Variants in KIAA1549L observed in about 807,000 individuals in gnomAD.
The protein encoded by KIAA1549L is KIAA1549 like, also known as UPF0606 protein KIAA1549L.
KIAA1549L carries 88 observed loss-of-function variants against 160.7 expected under a neutral mutation model. The ratio of observed to expected loss-of-function variants is 0.55; its 90% CI spans 0.46 to 0.65. KIAA1549L has a LOEUF of 0.65. KIAA1549L is among the 30% of genes least tolerant of loss of function. The pLI is 0.00. For missense variants in KIAA1549L, 2,258 were observed against 2,437.5 expected, an observed-to-expected ratio of 0.93 and a Z score of 1.55; for synonymous variants, 950 against 976.7, an observed-to-expected ratio of 0.97 and a Z score of 0.51.
chr11:33,561,609 CTAAA>C, intron 7 of KIAA1549L, 63 bp from the exon 8 acceptor site: 1 of 1,259,236 alleles, frequency 7.9e-7, no homozygotes, highest in Non-Finnish European at 1.2e-6. Context: ...TCAAATATAA[CTAAA>C]TAAATGAAAC....
intron 17 of KIAA1549L, among the ~76,000 whole-genome samples, chr11:33,649,358 A>G (rs1460644226): frequency 6.6e-6 from 1 of 151,208 alleles, no homozygotes; most frequent in East Asian, 1.9e-4. Context: ...AAAAAAAAAA[A>G]AAAAAAATTG....
At chr11:33,399,968 G>A (rs997299600) in intron 1 of KIAA1549L, among the ~76,000 whole-genome samples, 7 of 152,278 alleles carry the variant, frequency 4.6e-5, no homozygotes, top group Non-Finnish European at 8.8e-5. Flanking sequence ...AGCTGACTCC[G>A]CTCATACTGC....
rs1351712570 is a variant in KIAA1549L, at chr11:33,441,594, T to A, written c.238+64705T>A. 2.6e-5 allele frequency among the ~76,000 whole-genome samples: 4 copies of A among 152,162 alleles called. No individual in the cohort carries two copies. The East Asian group carries it at 7.7e-4, about 29-fold the overall frequency. On this transcript the variant is annotated intron_variant, in intron 1 of 20. Coordinates refer to ENST00000658780, the MANE Select transcript of KIAA1549L (RefSeq NM_012194.3). Reference sequence around the variant, plus strand: ...TCTCCAGCACCTGTTGTTTCCTGACTTTTTAATGATTGCCATTCTAACTTG... The same window carrying A: ...TCTCCAGCACCTGTTGTTTCCTGACATTTTAATGATTGCCATTCTAACTTG...
chr11:33,462,115 C>T lies in KIAA1549L; in HGVS notation c.239-79687C>T, dbSNP rs1851953939. On this transcript the variant is annotated intron_variant, in intron 1 of 20. Coordinates refer to ENST00000658780, the MANE Select transcript of KIAA1549L (RefSeq NM_012194.3). ...TATATGGACAGAGTTTATTGATCAGCAGAGTTCTTTGCTGGAGAGTAGTAC... is the reference window on the plus strand; with the variant it reads ...TATATGGACAGAGTTTATTGATCAGTAGAGTTCTTTGCTGGAGAGTAGTAC... Among the ~76,000 whole-genome samples, 3 of 152,194 alleles carry T rather than the reference C, an allele frequency of 2.0e-5. No individual in the cohort carries two copies. In the South Asian group the frequency reaches 6.2e-4, roughly 31 times the overall value.
At chr11:33,538,274 A>G (rs1853938252) in intron 1 of KIAA1549L, among the ~76,000 whole-genome samples, 1 of 152,224 alleles carries the variant, frequency 6.6e-6, no homozygotes. Context: ...GGGGATTATG[A>G]GGATTACAAT....
chr11:33,411,174 A>G (rs990398327), intron 1 of KIAA1549L, among the ~76,000 whole-genome samples: 1 of 152,250 alleles, frequency 6.6e-6, no homozygotes, highest in Non-Finnish European at 1.5e-5. Context: ...CGAGGAACAC[A>G]AAGCTAGTAT....
chr11:33,408,465 T>C (rs1231987185), intron 1 of KIAA1549L, among the ~76,000 whole-genome samples: 1 of 145,476 alleles, frequency 6.9e-6, no homozygotes, highest in Admixed American at 6.9e-5. Flanking sequence ...GTTAGAGATA[T>C]ATATATACAT....
intron 1 of KIAA1549L, among the ~76,000 whole-genome samples, chr11:33,483,004 T>G (rs566892156): frequency 2.0e-4 from 30 of 152,312 alleles, no homozygotes; most frequent in African/African-American, 7.2e-4. Flanking sequence ...TCCAGCTCGC[T>G]GTTCCCTATC....
intron 6 of KIAA1549L, among the ~76,000 whole-genome samples, chr11:33,555,926 T>C (rs1421660604): frequency 6.6e-6 from 1 of 152,136 alleles, no homozygotes; most frequent in Non-Finnish European, 1.5e-5. Context: ...GTAGTTAATA[T>C]TCAGAATATA....
chr11:33,384,816 CT>C (rs1850140237), intron 1 of KIAA1549L, among the ~76,000 whole-genome samples: 1 of 152,014 alleles, frequency 6.6e-6, no homozygotes, highest in Admixed American at 6.5e-5. Context: ...TTTCTTTTTA[CT>C]GAGTTTTGAG....
At chr11:33,531,768 G>A (rs1170272386) in intron 1 of KIAA1549L, among the ~76,000 whole-genome samples, 1 of 152,206 alleles carries the variant, frequency 6.6e-6, no homozygotes, top group Non-Finnish European at 1.5e-5. Context: ...TAGGGCCGTG[G>A]AAGGGTTTGG....
intron 1 of KIAA1549L, among the ~76,000 whole-genome samples, chr11:33,424,857 T>C (rs1851085962): frequency 6.6e-6 from 1 of 152,176 alleles, no homozygotes; most frequent in Non-Finnish European, 1.5e-5. Flanking sequence ...CTGTGGACTC[T>C]GTGTGGTGAG....
chr11:33,632,284 C>T (rs1851316835), intron 16 of KIAA1549L, among the ~76,000 whole-genome samples: 1 of 152,204 alleles, frequency 6.6e-6, no homozygotes, highest in Non-Finnish European at 1.5e-5. Flanking sequence ...ATATCTACAT[C>T]CTGTATGGAC....
chr11:33,650,338 G>A (rs1283185354), intron 17 of KIAA1549L, among the ~76,000 whole-genome samples: 2 of 152,210 alleles, frequency 1.3e-5, no homozygotes, highest in African/African-American at 2.4e-5. Flanking sequence ...GGGAGAGAGG[G>A]AAGGTGGGAG....
intron 13 of KIAA1549L, among the ~76,000 whole-genome samples, chr11:33,602,238 A>G (rs1850384524): frequency 6.6e-6 from 1 of 152,136 alleles, no homozygotes; most frequent in African/African-American, 2.4e-5. Flanking sequence ...GCAGGCAAAG[A>G]ATTAGAAAGT....
At chr11:33,548,966 G>A (rs1267829493) in intron 4 of KIAA1549L, among the ~76,000 whole-genome samples, 3 of 152,154 alleles carry the variant, frequency 2.0e-5, no homozygotes, top group Non-Finnish European at 4.4e-5. Flanking sequence ...GAAGAAAAAA[G>A]AAATGCATTA....
chr11:33,599,208 C>T (rs140956402), intron 13 of KIAA1549L: 50 of 244,522 alleles, frequency 2.0e-4, no homozygotes, highest in African/African-American at 1.0e-3. Flanking sequence ...AAACCTTTTG[C>T]GGAATGAACT....
chr11:33,510,628 C>A (rs1050778410), intron 1 of KIAA1549L, among the ~76,000 whole-genome samples: 1 of 152,206 alleles, frequency 6.6e-6, no homozygotes, highest in Admixed American at 6.5e-5. Context: ...GCCCTGAAAG[C>A]AAAGGCATAG....
chr11:33,394,183 G>A (rs939534392), intron 1 of KIAA1549L, among the ~76,000 whole-genome samples: 6 of 152,006 alleles, frequency 3.9e-5, no homozygotes. Flanking sequence ...AAGCAGCCTC[G>A]GCAACATGGT....
Sources: gnomAD v4.1 joint callset for allele counts (sites outside exome capture counted in the v4.1 genomes callset) on GRCh38, gnomAD v4.1.1 for gene constraint, MANE v1.5 for transcripts, NCBI Gene and HGNC (gene_info 2026-07-23, HGNC 2026-07-21) for gene names.